SCP2: variants seen among roughly 807,000 people sequenced by gnomAD.
SCP2 encodes SCP-2/3-oxoacyl-CoA thiolase.
A neutral mutation model predicts 71.4 loss-of-function variants in SCP2; 48 were observed. That is an observed-to-expected ratio of 0.67 (90% CI 0.53 to 0.86). The LOEUF (loss-of-function observed/expected upper bound fraction) is 0.86. SCP2 is among the 40% of genes least tolerant of loss of function. The pLI is 0.00. For missense variants in SCP2, 560 were observed against 655.6 expected (o/e 0.85, Z 1.59); for synonymous variants, 220 against 218.1 (o/e 1.01, Z -0.08).
chr1:52,970,708 C>T (rs996956767), intron 6 of SCP2, among the ~76,000 whole-genome samples: 2 of 151,996 alleles, frequency 1.3e-5, no homozygotes, highest in African/African-American at 4.8e-5. Flanking sequence ...CAGTTGTTGG[C>T]CTGCGATTAT....
chr1:53,036,394 C>T (rs1398284832), intron 13 of SCP2, among the ~76,000 whole-genome samples: 1 of 149,958 alleles, frequency 6.7e-6, no homozygotes, highest in African/African-American at 2.4e-5. Flanking sequence ...TTTTACAGAG[C>T]CTCATTTATT....
At chr1:52,959,345 G>A (rs915959273) in intron 5 of SCP2, among the ~76,000 whole-genome samples, 5 of 151,754 alleles carry the variant, frequency 3.3e-5, no homozygotes, top group South Asian at 2.1e-4. Context: ...ACGGGCATGC[G>A]CCACCACGCC....
At chr1:52,989,636 G>T (rs1350487652) in intron 11 of SCP2, among the ~76,000 whole-genome samples, 1 of 152,138 alleles carries the variant, frequency 6.6e-6, no homozygotes, top group Admixed American at 6.5e-5. Context: ...CCACTTGAAA[G>T]CTTTGTCTTT....
Position 52,996,578 on chromosome 1 carries a change from C to T in SCP2, c.1081+8442C>T, listed in dbSNP as rs777377485. On this transcript the variant is annotated intron_variant, in intron 11 of 15. Transcript: ENST00000371514. ...TAGCAGTATTTTCTCCATTTTCAGTCTCCCTCCAAGCTCTGCCCTTTGGAG... is the reference window on the plus strand; with the variant it reads ...TAGCAGTATTTTCTCCATTTTCAGTTTCCCTCCAAGCTCTGCCCTTTGGAG... Among the ~76,000 whole-genome samples the T allele has an allele frequency of 1.7e-4, 26 of 152,186 alleles. 1 individual carries two copies. Among genetic ancestry groups the T allele is most frequent in the Admixed American group, 3.9e-4 (6 of 15,280 alleles).
At chr1:53,046,186 T>G (rs1327918373) in intron 14 of SCP2, among the ~76,000 whole-genome samples, 1 of 152,222 alleles carries the variant, frequency 6.6e-6, no homozygotes. Flanking sequence ...GGAATAGGAT[T>G]GCTAGTTCAT....
At chr1:53,030,954 AAT>A (rs1287771384) in intron 13 of SCP2, among the ~76,000 whole-genome samples, 1 of 151,878 alleles carries the variant, frequency 6.6e-6, no homozygotes, top group African/African-American at 2.4e-5. Flanking sequence ...AGTAGGAAAA[AAT>A]ATCTCATTGT....
At chr1:53,010,121 G>A (rs1660888752) in intron 11 of SCP2, among the ~76,000 whole-genome samples, 1 of 152,104 alleles carries the variant, frequency 6.6e-6, no homozygotes, top group Non-Finnish European at 1.5e-5. Flanking sequence ...TAAAAAGTCA[G>A]GAAACAACAG....
intron 11 of SCP2, among the ~76,000 whole-genome samples, chr1:52,997,908 T>C (rs546018578): frequency 6.6e-6 from 1 of 152,242 alleles, no homozygotes. Flanking sequence ...TCTCTCTCAC[T>C]CTCCACCACC....
At chr1:52,953,943 C>T (rs1655555552) in intron 4 of SCP2, among the ~76,000 whole-genome samples, 3 of 150,212 alleles carry the variant, frequency 2.0e-5, no homozygotes, top group Non-Finnish European at 4.4e-5. Flanking sequence ...GATTGCACTA[C>T]TGCACTCCAG....
intron 11 of SCP2, among the ~76,000 whole-genome samples, chr1:53,008,808 G>C (rs1660802359): frequency 6.6e-6 from 1 of 152,068 alleles, no homozygotes. Flanking sequence ...AGAAATAAAG[G>C]GTATTCAATT....
chr1:53,040,576 C>T (rs191858131), intron 14 of SCP2, among the ~76,000 whole-genome samples: 1 of 152,250 alleles, frequency 6.6e-6, no homozygotes, highest in East Asian at 1.9e-4. Context: ...AAAAAATTAG[C>T]CAGGCGTAGT....
chr1:52,994,550 A>C, intron 11 of SCP2: 1 of 230,656 alleles, frequency 4.3e-6, no homozygotes, highest in East Asian at 1.3e-4. Context: ...TTATACAATA[A>C]AATGCACAGT....
chr1:52,960,900 A>G (rs1656367737), intron 5 of SCP2, among the ~76,000 whole-genome samples: 1 of 150,984 alleles, frequency 6.6e-6, no homozygotes. Flanking sequence ...CTGTAGGTGC[A>G]TACCACCACA....
intron 13 of SCP2, among the ~76,000 whole-genome samples, chr1:53,031,748 C>T (rs1439429384): frequency 6.6e-6 from 1 of 152,084 alleles, no homozygotes; most frequent in Non-Finnish European, 1.5e-5. Context: ...GTTTTATTGT[C>T]GAAGGGATGT....
In SCP2 at chr1:52,979,493, C is replaced by T. The variant is rs183981406; in HGVS notation, c.826-903C>T. On this transcript the variant is annotated intron_variant, in intron 9 of 15. Transcript: ENST00000371514. ...CATGAGCCACCACGCCTGGCCTCACCGTTTTATTCCTTGAAGAAAAGTTAT... is the reference window on the plus strand; with the variant it reads ...CATGAGCCACCACGCCTGGCCTCACTGTTTTATTCCTTGAAGAAAAGTTAT... 3.9e-5 allele frequency among the ~76,000 whole-genome samples: 6 copies of T among 152,168 alleles called. No individual in the cohort carries two copies. The South Asian group carries it at 6.2e-4, about 16-fold the overall frequency.
intron 1 of SCP2, 104 bp downstream of exon 1, chr1:52,927,569 G>C: frequency 1.2e-6 from 1 of 863,442 alleles, no homozygotes; most frequent in South Asian, 1.4e-5. Context: ...TCCGCGCGTG[G>C]GTCATCGGCG....
At chr1:52,959,007 G>A (rs1656077824) in intron 5 of SCP2, among the ~76,000 whole-genome samples, 1 of 152,136 alleles carries the variant, frequency 6.6e-6, no homozygotes, top group Non-Finnish European at 1.5e-5. Flanking sequence ...TTACAGGTGT[G>A]AGCCACCACA....
intron 6 of SCP2, among the ~76,000 whole-genome samples, chr1:52,971,743 A>G (rs532727669): frequency 3.5e-4 from 54 of 152,342 alleles, no homozygotes; most frequent in African/African-American, 1.3e-3. Context: ...CTTTGAGCAC[A>G]CATTCCTTCC....
chr1:52,996,285 G>A (rs1437323247), intron 11 of SCP2, among the ~76,000 whole-genome samples: 6 of 152,138 alleles, frequency 3.9e-5, no homozygotes, highest in African/African-American at 1.4e-4. Context: ...CATCTGTCCA[G>A]TTAATATTTC....
Sources: gnomAD v4.1 joint callset for allele counts (sites outside exome capture counted in the v4.1 genomes callset) on GRCh38, gnomAD v4.1.1 for gene constraint, MANE v1.5 for transcripts, NCBI Gene and HGNC (gene_info 2026-07-23, HGNC 2026-07-21) for gene names.